FKBP15: variants seen among roughly 807,000 people sequenced by gnomAD.
FKBP15 encodes the protein FK506-binding protein 15.
FKBP15 carries 106 observed loss-of-function variants against 158.1 expected under a neutral mutation model. That is an observed-to-expected ratio of 0.67 (90% CI 0.57 to 0.79). FKBP15 has a LOEUF of 0.79. Among genes scored for constraint, FKBP15 ranks in the 30% least tolerant of loss-of-function variants. The pLI is 0.00. For synonymous variants in FKBP15, 547 were observed against 548.6 expected (o/e 1.00, Z 0.04); for missense variants, 1,287 against 1,479.1 (o/e 0.87, Z 2.13).
rs766519438 is a variant in FKBP15, at chr9:113,188,365, C to T, written c.1276+24G>A. ...TTCATGCTGACCCAGTTCAAGGCCA[C>T]AGAGCCTCAGAGAGGTTCCTTACCC... On this transcript the variant is annotated intron_variant, in intron 13 of 27. Transcript: ENST00000238256. 4.5e-6 allele frequency: 7 copies of T among 1,570,462 alleles called. No homozygotes were observed. In the South Asian group the frequency reaches 7.8e-5, roughly 17 times the overall value.
intron 12 of FKBP15, among the ~76,000 whole-genome samples, chr9:113,188,859 G>A (rs143758786): frequency 4.6e-4 from 70 of 152,214 alleles, no homozygotes; most frequent in Non-Finnish European, 6.3e-4. Context: ...CAAAAAAAGT[G>A]GTCTTTTGCA....
Position 113,174,988 on chromosome 9 carries a change from G to A in FKBP15, c.2224-405C>T, listed in dbSNP as rs1260614278. 1.0e-4 allele frequency among the ~76,000 whole-genome samples: 2 copies of A among 19,960 alleles called. 1 individual carries two copies. The highest frequency in any genetic ancestry group is 3.4e-3 in the East Asian group (2 of 590). 13.1% of individuals were successfully genotyped at this position (19,960 alleles called of 152,430 possible). A position where few individuals can be genotyped will look rare whatever the true frequency, so the allele number is the denominator to read the frequency against. On this transcript the variant is annotated intron_variant, in intron 21 of 27. Transcript: ENST00000238256. ...TGAGGCAGGAGAATGGCATGAACCC[G>A]GGAGGCGGAGCTTGCAGTGAGCCGA...
intron 2 of FKBP15, among the ~76,000 whole-genome samples, chr9:113,208,267 G>A (rs1434234053): frequency 6.6e-6 from 1 of 152,144 alleles, no homozygotes; most frequent in Non-Finnish European, 1.5e-5. Context: ...AGCCTGGGAG[G>A]CAGAGGTTGC....
intron 21 of FKBP15, among the ~76,000 whole-genome samples, chr9:113,175,747 A>C (rs77488559): frequency 0.012 from 1,866 of 152,340 alleles, 40 homozygotes; most frequent in African/African-American, 0.042. Flanking sequence ...GAGAATGTAC[A>C]TAAGAAATAC....
rs1335441851 is a variant in FKBP15, at chr9:113,193,483, T to C, written c.1065+9A>G. 12 of 1,585,890 alleles carry C rather than the reference T, an allele frequency of 7.6e-6. No individual in the cohort carries two copies. Among genetic ancestry groups the C allele is most frequent in the Non-Finnish European group, 1.0e-5 (12 of 1,164,836 alleles). Reference sequence around the variant, plus strand: ...AACCACCATGCCTGGCCAAGACTCTTATACTTACTGTATTTATTGCAAGTT... The same window carrying C: ...AACCACCATGCCTGGCCAAGACTCTCATACTTACTGTATTTATTGCAAGTT... On this transcript the variant is annotated intron_variant, in intron 11 of 27. Transcript: ENST00000238256.
chr9:113,191,918 T>A (rs1830582273), intron 11 of FKBP15, among the ~76,000 whole-genome samples: 1 of 151,212 alleles, frequency 6.6e-6, no homozygotes. Context: ...GCCATATAAA[T>A]GTAATTACCT....
At chr9:113,166,185 T>C (rs376962097) in intron 27 of FKBP15, 30 bp from the exon 28 acceptor site, 3 of 1,587,954 alleles carry the variant, frequency 1.9e-6, no homozygotes, top group African/African-American at 2.7e-5. Context: ...CAGTCAGTCC[T>C]CACTTGTGCC....
intron 11 of FKBP15, among the ~76,000 whole-genome samples, chr9:113,191,652 A>ATT (rs1214306761): frequency 2.0e-5 from 3 of 148,316 alleles, no homozygotes; most frequent in Non-Finnish European, 3.0e-5. Context: ...TATAATATAA[A>ATT]TTATATATAT....
At position 113,207,288 on chromosome 9, in the gene FKBP15, C is replaced by A. The variant is rs759620589; in HGVS notation, c.178G>T (p.Ala60Ser). 6 of 1,611,948 alleles carry A rather than the reference C, an allele frequency of 3.7e-6. No individual in the cohort carries two copies. The highest frequency in any genetic ancestry group is 5.1e-6 in the Non-Finnish European group (6 of 1,179,336). The change falls in exon 3 of 28, where the codon GCA becomes TCA. Residue 60 changes from alanine to serine, a missense_variant. Ala to Ser is a moderately conservative substitution (Grantham distance 99). Coordinates refer to ENST00000238256, the MANE Select transcript of FKBP15 (RefSeq NM_015258.2). ...GQGTAATGNQ[A>S]TPKTAPATMS... The stretch of plus-strand genomic sequence containing the variant: ...GTGGCTGGTGCTGTTTTTGGTGTTG[C>A]CTGATTTCCTGAAGATGAACAAGAA...
intron 11 of FKBP15, among the ~76,000 whole-genome samples, chr9:113,191,754 T>A (rs1005881146): frequency 5.3e-5 from 8 of 151,044 alleles, no homozygotes; most frequent in Non-Finnish European, 8.8e-5. Flanking sequence ...ACATTTCTAC[T>A]TGTGTGCACC....
rs1393578760 is a variant in FKBP15, at chr9:113,169,645, C to CT, written c.3063dup (p.Asp1022ArgfsTer26). ...GACAGTTCGGGTGGAAGGGAACCATCTTTTATCTCTGAGAGTGCCTCAGCT... is the reference window on the plus strand; with the variant it reads ...GACAGTTCGGGTGGAAGGGAACCATCTTTTTATCTCTGAGAGTGCCTCAGCT... On this transcript the variant is annotated frameshift_variant, in exon 26 of 28. Coordinates refer to ENST00000238256, the MANE Select transcript of FKBP15 (RefSeq NM_015258.2). LOFTEE classifies it high-confidence loss of function. 6.2e-7 allele frequency: 1 copy of CT among 1,613,878 alleles called. No homozygotes were observed. The highest frequency in any genetic ancestry group is 1.3e-5 in the African/African-American group (1 of 74,918).
intron 15 of FKBP15, among the ~76,000 whole-genome samples, chr9:113,186,007 G>A (rs750994468): frequency 4.4e-4 from 67 of 152,258 alleles, no homozygotes; most frequent in Middle Eastern, 3.4e-3. Context: ...GGGGGATGAC[G>A]GAAATGTTCT....
chr9:113,168,344 G>T, intron 27 of FKBP15, 116 bp downstream of exon 27: 1 of 851,132 alleles, frequency 1.2e-6, no homozygotes. Context: ...ACAGGGCCCT[G>T]CACACAGAGT....
In FKBP15 at chr9:113,178,714, C is replaced by T. The variant is rs915347103; in HGVS notation, c.2002G>A (p.Glu668Lys). 1.1e-5 allele frequency: 18 copies of T among 1,609,062 alleles called. No homozygotes were observed. Among genetic ancestry groups the T allele is most frequent in the Non-Finnish European group, 1.4e-5 (16 of 1,177,652 alleles). Reference sequence around the variant, plus strand: ...CTTTCTGTCAGCTGCATCTGCAGCTCTGTTTCCTTTTTTTGGTGAGCAGTC... The same window carrying T: ...CTTTCTGTCAGCTGCATCTGCAGCTTTGTTTCCTTTTTTTGGTGAGCAGTC... ...KMTAHQKKET[E>K]LQMQLTESLK... The change falls in exon 20 of 28, where the codon GAG (glutamate) becomes AAG (lysine). Residue 668 changes from glutamate to lysine, a missense_variant. Coordinates refer to ENST00000238256, the MANE Select transcript of FKBP15 (RefSeq NM_015258.2).
At chr9:113,168,721 G>A (rs1444733001) in intron 26 of FKBP15, among the ~76,000 whole-genome samples, 165 bp from the exon 27 acceptor site, 1 of 152,078 alleles carries the variant, frequency 6.6e-6, no homozygotes, top group Non-Finnish European at 1.5e-5. Context: ...ACACCCTACA[G>A]TGGCCTCCTA....
chr9:113,203,581 G>A (rs1830833737), intron 4 of FKBP15, among the ~76,000 whole-genome samples: 1 of 150,966 alleles, frequency 6.6e-6, no homozygotes, highest in Non-Finnish European at 1.5e-5. Flanking sequence ...AGGCTGGAGT[G>A]CAGTGGCGCA....
intron 1 of FKBP15, 117 bp from the exon 2 acceptor site, chr9:113,211,709 C>T: frequency 1.8e-6 from 1 of 558,794 alleles, no homozygotes; most frequent in Non-Finnish European, 3.1e-6. Flanking sequence ...TCCCACCATT[C>T]AATACTAGAA....
chr9:113,219,375 T>A (rs977868492), intron 1 of FKBP15, among the ~76,000 whole-genome samples: 1 of 152,246 alleles, frequency 6.6e-6, no homozygotes, highest in African/African-American at 2.4e-5. Context: ...GTAGCTGCAG[T>A]ATTCACTGTC....
chr9:113,167,425 CCT>C (rs753578862), intron 27 of FKBP15, among the ~76,000 whole-genome samples: 3 of 152,138 alleles, frequency 2.0e-5, no homozygotes, highest in Admixed American at 6.5e-5. Flanking sequence ...GGTTTTTCCC[CCT>C]TTTTTCCTTT....
Sources: allele counts gnomAD v4.1 joint callset (sites outside exome capture counted in the v4.1 genomes callset), GRCh38; gene constraint gnomAD v4.1.1; transcripts MANE v1.5; gene names NCBI Gene and HGNC (gene_info 2026-07-23, HGNC 2026-07-21).